NDUFB9: variants seen among roughly 807,000 people sequenced by gnomAD.
The protein encoded by NDUFB9 is NADH dehydrogenase [ubiquinone] 1 beta subcomplex subunit 9.
A neutral mutation model predicts 30.2 loss-of-function variants in NDUFB9; 24 were observed. The observed-to-expected ratio is 0.80, with a 90% CI of 0.58 to 1.12. The LOEUF (loss-of-function observed/expected upper bound fraction) is 1.12, where lower values mean the gene tolerates loss of function less well. Ranked by LOEUF, NDUFB9 falls within the 50% of genes most tolerant of loss-of-function variation. The probability of loss-of-function intolerance (pLI) is 0.00; values close to 1 mark genes in which losing one functional copy is unlikely to be tolerated. For missense variants in NDUFB9, 204 were observed against 226.0 expected (o/e 0.90, Z 0.62); for synonymous variants, 80 against 84.0 (o/e 0.95, Z 0.26).
In NDUFB9 at chr8:124,547,947, T is replaced by C. The variant is rs10092699; in HGVS notation, c.408+834T>C. On this transcript the variant is annotated intron_variant, in intron 3 of 3. Coordinates refer to ENST00000276689, the MANE Select transcript of NDUFB9 (RefSeq NM_005005.3). Reference sequence around the variant, plus strand: ...TTGCAATGAGCTGACATCGCGCCACTGCATTCCAGCCTGGGCGACAGAGCA... The same window carrying C: ...TTGCAATGAGCTGACATCGCGCCACCGCATTCCAGCCTGGGCGACAGAGCA... Among the ~76,000 whole-genome samples, 843 of 151,928 alleles carry C rather than the reference T, an allele frequency of 5.5e-3. 9 individuals are homozygous for C. Among genetic ancestry groups the C allele is most frequent in the African/African-American group, 0.019 (793 of 41,398 alleles).
At chr8:124,540,761 C>T (rs1586710242) in intron 1 of NDUFB9, among the ~76,000 whole-genome samples, 1 of 152,124 alleles carries the variant, frequency 6.6e-6, no homozygotes, top group East Asian at 1.9e-4. Context: ...GTGCTGTTCT[C>T]TGTGGTTCCA....
At chr8:124,542,726 A>G (rs1563706673) in intron 1 of NDUFB9, among the ~76,000 whole-genome samples, 1 of 152,034 alleles carries the variant, frequency 6.6e-6, no homozygotes, top group Non-Finnish European at 1.5e-5. Context: ...AGCACAAGAT[A>G]GAAGGAAATG....
chr8:124,547,406 C>T, intron 3 of NDUFB9: 1 of 598,684 alleles, frequency 1.7e-6, no homozygotes, highest in Non-Finnish European at 2.9e-6. Context: ...CAACCTGCCT[C>T]TCCACTATTT....
chr8:124,546,488 G>A (rs759671798), intron 2 of NDUFB9, among the ~76,000 whole-genome samples: 5 of 152,192 alleles, frequency 3.3e-5, no homozygotes, highest in Admixed American at 6.5e-5. Context: ...CAGCGGTCTG[G>A]AACCAAACCC....
chr8:124,539,214 C>G lies in NDUFB9; in HGVS notation c.28C>G (p.Leu10Val), dbSNP rs148083715. The G allele has an allele frequency of 1.9e-6, 3 of 1,614,228 alleles. No homozygotes were observed. Among genetic ancestry groups the G allele is most frequent in the East Asian group, 2.2e-5 (1 of 44,876 alleles). Residue 10 changes from leucine to valine, a missense_variant, in exon 1 of 4, where the codon CTG becomes GTG. Transcript: ENST00000276689. MAFLASGPYLTHQQKVLRLY... is the reference protein window; with the variant it reads MAFLASGPYVTHQQKVLRLY... The stretch of plus-strand genomic sequence containing the variant: ...GGCGTTCTTGGCGTCGGGACCCTAC[C>G]TGACCCATCAGCAAAAGGTGTTGCG...
intron 2 of NDUFB9, 66 bp from the exon 3 acceptor site, chr8:124,546,934 G>A (rs1183747140): frequency 1.6e-5 from 17 of 1,056,952 alleles, no homozygotes; most frequent in Non-Finnish European, 2.5e-5. Context: ...CATCTCCTGA[G>A]CAGGCCCTGT....
rs755557988 is a variant in NDUFB9, at chr8:124,539,209, C to T, written c.23C>T (p.Pro8Leu). Reference sequence around the variant, plus strand: ...GTAATGGCGTTCTTGGCGTCGGGACCCTACCTGACCCATCAGCAAAAGGTG... The same window carrying T: ...GTAATGGCGTTCTTGGCGTCGGGACTCTACCTGACCCATCAGCAAAAGGTG... MAFLASG[P>L]YLTHQQKVLR... The change falls in exon 1 of 4, where the codon CCC becomes CTC. Residue 8 changes from proline (P) to leucine (L), a missense_variant. Coordinates refer to ENST00000276689, the MANE Select transcript of NDUFB9 (RefSeq NM_005005.3). 5.1e-5 allele frequency: 82 copies of T among 1,614,224 alleles called. No individual in the cohort carries two copies. The East Asian group carries it at 1.4e-3, about 29-fold the overall frequency.
intron 1 of NDUFB9, 79 bp downstream of exon 1, chr8:124,539,366 G>A (rs1053473170): frequency 2.3e-6 from 3 of 1,284,448 alleles, no homozygotes; most frequent in Middle Eastern, 1.9e-4. Context: ...GGTACCTGGA[G>A]GTTCAAGGAC....
intron 2 of NDUFB9, 95 bp from the exon 3 acceptor site, chr8:124,546,905 T>C (rs1822173622): frequency 1.2e-6 from 1 of 867,978 alleles, no homozygotes; most frequent in Admixed American, 1.7e-5. Context: ...TATAAAAATA[T>C]ATCTTGATCT....
intron 2 of NDUFB9, among the ~76,000 whole-genome samples, chr8:124,545,641 G>A (rs543582933): frequency 2.0e-5 from 3 of 151,710 alleles, no homozygotes; most frequent in Admixed American, 2.0e-4. Context: ...CAATCCTCCT[G>A]TCCTAGCCAA....
At chr8:124,549,653 A>G in intron 3 of NDUFB9, 108 bp from the exon 4 acceptor site, 1 of 1,014,832 alleles carries the variant, frequency 9.9e-7, no homozygotes, top group Non-Finnish European at 1.6e-6. Flanking sequence ...ATAGTGTGTA[A>G]TGTCAGTGAC....
intron 1 of NDUFB9, among the ~76,000 whole-genome samples, chr8:124,541,330 C>T (rs988182938): frequency 1.3e-5 from 2 of 152,222 alleles, no homozygotes; most frequent in South Asian, 4.1e-4. Flanking sequence ...AATTCAGTTA[C>T]TGAGCTTTAA....
At chr8:124,545,946 G>A (rs1001641077) in intron 2 of NDUFB9, among the ~76,000 whole-genome samples, 2 of 152,138 alleles carry the variant, frequency 1.3e-5, no homozygotes, top group Admixed American at 6.5e-5. Flanking sequence ...AGGTTCAAGC[G>A]ATTCTCCTAC....
chr8:124,539,569 A>C, intron 1 of NDUFB9: 1 of 443,534 alleles, frequency 2.3e-6, no homozygotes, highest in East Asian at 4.5e-5. Context: ...AAGTGAAATA[A>C]AGGAAAGTGC....
chr8:124,543,398 A>T, intron 2 of NDUFB9, 119 bp downstream of exon 2: 1 of 1,013,346 alleles, frequency 9.9e-7, no homozygotes, highest in Non-Finnish European at 1.5e-6. Flanking sequence ...ATTTCCTGAC[A>T]GTTGTCAGAT....
chr8:124,541,120 A>G (rs1821966850), intron 1 of NDUFB9, among the ~76,000 whole-genome samples: 1 of 152,156 alleles, frequency 6.6e-6, no homozygotes, highest in Non-Finnish European at 1.5e-5. Flanking sequence ...GAGCCGAGAT[A>G]GCCCCATTGC....
intron 3 of NDUFB9, among the ~76,000 whole-genome samples, chr8:124,548,851 G>A (rs1215348531): frequency 1.3e-5 from 2 of 152,342 alleles, no homozygotes; most frequent in African/African-American, 2.4e-5. Flanking sequence ...GAGTGGGAAA[G>A]GGAGAGTGTG....
intron 3 of NDUFB9, among the ~76,000 whole-genome samples, chr8:124,548,876 T>C (rs1822239186): frequency 6.6e-6 from 1 of 152,182 alleles, no homozygotes; most frequent in Non-Finnish European, 1.5e-5. Flanking sequence ...GATAGTGGGA[T>C]ATTTGAATTC....
intron 1 of NDUFB9, chr8:124,542,832 T>G (rs1822053304): frequency 3.7e-6 from 1 of 270,910 alleles, no homozygotes; most frequent in Non-Finnish European, 7.0e-6. Context: ...TTTTTTTGTT[T>G]AAATCCTCAT....
Sources: allele counts gnomAD v4.1 joint callset (sites outside exome capture counted in the v4.1 genomes callset), GRCh38; gene constraint gnomAD v4.1.1; transcripts MANE v1.5; gene names NCBI Gene and HGNC (gene_info 2026-07-23, HGNC 2026-07-21).